OSBPL10: variants seen among roughly 807,000 people sequenced by gnomAD.
OSBPL10 encodes the protein oxysterol binding protein like 10.
In OSBPL10, 49 loss-of-function variants were observed where a neutral mutation model predicts 81.7. That is an observed-to-expected ratio of 0.60 (90% CI 0.48 to 0.76). The LOEUF (loss-of-function observed/expected upper bound fraction) is 0.76, where lower values mean the gene tolerates loss of function less well. Ranked by LOEUF, OSBPL10 falls within the 30% of genes least tolerant of loss-of-function variation. OSBPL10 has a pLI of 0.00. For synonymous variants in OSBPL10, 419 were observed against 383.6 expected (o/e 1.09, Z -1.08); for missense variants, 923 against 987.8 (o/e 0.93, Z 0.88).
At chr3:31,708,663 G>T in intron 6 of OSBPL10, 1 of 919,626 alleles carries the variant, frequency 1.1e-6, no homozygotes, top group Non-Finnish European at 1.3e-6. Flanking sequence ...AGGACACAGA[G>T]ATAGAAAGTT....
chr3:31,905,433 T>G (rs1696381119), intron 1 of OSBPL10, among the ~76,000 whole-genome samples: 1 of 143,994 alleles, frequency 6.9e-6, no homozygotes, highest in African/African-American at 2.6e-5. Flanking sequence ...CACTGCAACC[T>G]CCGTCTCCCG....
intron 4 of OSBPL10, among the ~76,000 whole-genome samples, chr3:31,772,623 T>C (rs2125750138): frequency 6.6e-6 from 1 of 152,336 alleles, no homozygotes; most frequent in Admixed American, 6.5e-5. Flanking sequence ...GCACTGCCCC[T>C]GCCGTCTCTA....
At chr3:32,070,595 G>A (rs1361079779) in intron 1 of OSBPL10, among the ~76,000 whole-genome samples, 1 of 152,012 alleles carries the variant, frequency 6.6e-6, no homozygotes, top group Non-Finnish European at 1.5e-5. Flanking sequence ...GGCTTTAAGG[G>A]GATTAAATCC....
At chr3:31,851,240 T>C (rs1273927999) in intron 3 of OSBPL10, among the ~76,000 whole-genome samples, 2 of 152,232 alleles carry the variant, frequency 1.3e-5, no homozygotes, top group Non-Finnish European at 2.9e-5. Context: ...AGTTTCATAC[T>C]GTACAGAAAT....
intron 8 of OSBPL10, 104 bp downstream of exon 8, chr3:31,683,530 A>AAAC: frequency 1.4e-6 from 2 of 1,477,384 alleles, no homozygotes; most frequent in South Asian, 1.4e-5. Context: ...AACCAGTTAA[A>AAAC]AACAACAACA....
At chr3:31,870,590 G>C (rs1701296013) in intron 3 of OSBPL10, among the ~76,000 whole-genome samples, 1 of 152,264 alleles carries the variant, frequency 6.6e-6, no homozygotes, top group East Asian at 1.9e-4. Context: ...GAGTCTGGTG[G>C]GGCCTTGGAG....
chr3:31,988,923 C>A, intron 2 of OSBPL10: 2 of 991,240 alleles, frequency 2.0e-6, no homozygotes, highest in Non-Finnish European at 2.9e-6. Context: ...TGCCTCCAAA[C>A]CCCGACCCAC....
intron 3 of OSBPL10, among the ~76,000 whole-genome samples, chr3:31,863,643 C>T (rs1360796440): frequency 2.6e-5 from 4 of 152,150 alleles, no homozygotes; most frequent in African/African-American, 9.7e-5. Context: ...CAATGTGTTC[C>T]AAGATGCCAT....
chr3:31,889,239 T>C (rs1695822839), intron 1 of OSBPL10, among the ~76,000 whole-genome samples: 1 of 152,166 alleles, frequency 6.6e-6, no homozygotes, highest in Non-Finnish European at 1.5e-5. Context: ...GAAAACAGTA[T>C]GAATACTCTT....
At chr3:31,668,907 T>A in intron 9 of OSBPL10, 83 bp from the exon 10 acceptor site, 1 of 1,284,220 alleles carries the variant, frequency 7.8e-7, no homozygotes. Flanking sequence ...TCTAGAGATT[T>A]TTTTTTTTAA....
intron 8 of OSBPL10, among the ~76,000 whole-genome samples, chr3:31,678,087 C>CAA (rs1174037204): frequency 0.2 from 14,905 of 76,362 alleles, 1,471 homozygotes; most frequent in East Asian, 0.29. Flanking sequence ...GACTCCGTCT[C>CAA]AAAAAAAAAA....
chr3:31,950,365 G>A lies in OSBPL10; in HGVS notation c.281+30534C>T, dbSNP rs137958249. The stretch of plus-strand genomic sequence containing the variant: ...ACCCTTAAGCACATGAAGAGCTGCT[G>A]TCTTTCTGATAATCAGAGATACACA... On this transcript the variant is annotated intron_variant, in intron 1 of 11. Transcript: ENST00000396556. Among the ~76,000 whole-genome samples the A allele has an allele frequency of 7.9e-4, 120 of 152,320 alleles. 1 individual carries two copies. Among genetic ancestry groups the A allele is most frequent in the African/African-American group, 2.8e-3 (115 of 41,580 alleles).
At chr3:31,900,257 G>A (rs1696194250) in intron 1 of OSBPL10, among the ~76,000 whole-genome samples, 1 of 151,828 alleles carries the variant, frequency 6.6e-6, no homozygotes, top group South Asian at 2.1e-4. Context: ...TGCCCAGGCT[G>A]GTCTCGAACT....
chr3:32,040,288 T>TC (rs1328212657), intron 2 of OSBPL10, among the ~76,000 whole-genome samples: 2 of 152,050 alleles, frequency 1.3e-5, no homozygotes, highest in Non-Finnish European at 2.9e-5. Context: ...GTGCCTGTAG[T>TC]CCCTGCTACT....
At chr3:31,786,805 T>C (rs1159884998) in intron 4 of OSBPL10, among the ~76,000 whole-genome samples, 2 of 152,202 alleles carry the variant, frequency 1.3e-5, no homozygotes, top group Non-Finnish European at 2.9e-5. Context: ...TTAGAATACA[T>C]CATGGCACAC....
intron 1 of OSBPL10, among the ~76,000 whole-genome samples, chr3:31,906,433 A>G (rs1696410179): frequency 6.6e-6 from 1 of 152,158 alleles, no homozygotes; most frequent in South Asian, 2.1e-4. Flanking sequence ...GTTTGCCCTA[A>G]CAGATCCAGG....
chr3:31,916,939 G>A (rs1311558622), intron 1 of OSBPL10, among the ~76,000 whole-genome samples: 2 of 152,192 alleles, frequency 1.3e-5, no homozygotes, highest in African/African-American at 4.8e-5. Flanking sequence ...ATTAAGATAT[G>A]CAGACTAAAT....
chr3:31,762,716 G>C (rs1698087313), intron 4 of OSBPL10, among the ~76,000 whole-genome samples: 1 of 144,858 alleles, frequency 6.9e-6, no homozygotes, highest in Non-Finnish European at 1.5e-5. Flanking sequence ...GGATCTTCCT[G>C]CCTCAGCCTC....
intron 3 of OSBPL10, among the ~76,000 whole-genome samples, chr3:31,860,874 T>C: frequency 6.6e-6 from 1 of 150,758 alleles, no homozygotes; most frequent in Non-Finnish European, 1.5e-5. Context: ...TTTTTGGGTT[T>C]TTTTTTTTGT....
Sources: gnomAD v4.1 joint callset for allele counts (sites outside exome capture counted in the v4.1 genomes callset) on GRCh38, gnomAD v4.1.1 for gene constraint, MANE v1.5 for transcripts, NCBI Gene and HGNC (gene_info 2026-07-23, HGNC 2026-07-21) for gene names.